TCERG1L: variants seen among roughly 807,000 people sequenced by gnomAD.
TCERG1L encodes transcription elongation regulator 1-like protein.
In TCERG1L, 37 loss-of-function variants were observed where a neutral mutation model predicts 56.3. The observed-to-expected ratio is 0.66, with a 90% confidence interval of 0.51 to 0.87. The LOEUF is 0.87. TCERG1L is among the 40% of genes least tolerant of loss of function. TCERG1L has a pLI of 0.00. For missense variants in TCERG1L, 799 were observed against 774.2 expected (o/e 1.03, Z -0.38); for synonymous variants, 324 against 326.3 (o/e 0.99, Z 0.08).
chr10:131,142,792 C>T (rs559631965), intron 7 of TCERG1L, among the ~76,000 whole-genome samples: 2 of 152,268 alleles, frequency 1.3e-5, no homozygotes, highest in African/African-American at 2.4e-5. Context: ...CAGATTCATG[C>T]CCCCCACCAT....
intron 3 of TCERG1L, among the ~76,000 whole-genome samples, chr10:131,288,945 T>G (rs1846576780): frequency 6.6e-6 from 1 of 152,202 alleles, no homozygotes; most frequent in African/African-American, 2.4e-5. Flanking sequence ...CATGTTTCTG[T>G]GAATTTCAGC....
At chr10:131,219,471 C>T (rs1048674606) in intron 4 of TCERG1L, among the ~76,000 whole-genome samples, 2 of 152,218 alleles carry the variant, frequency 1.3e-5, no homozygotes, top group Admixed American at 1.3e-4. Flanking sequence ...GGACCCTTAG[C>T]TTACCCCTGT....
In TCERG1L at chr10:131,251,091, T is replaced by C. The variant is rs201310930; in HGVS notation, c.856+9168A>G. Among the ~76,000 whole-genome samples, 56 of 152,150 alleles carry C rather than the reference T, an allele frequency of 3.7e-4. 1 individual carries two copies. In the East Asian group the frequency reaches 8.6e-3, roughly 23 times the overall value. Reference sequence around the variant, plus strand: ...CGTGGGTCCGTCTCAGGGAACCCACTCATCTTTGCTGTATGGTGCCCCTTT... The same window carrying C: ...CGTGGGTCCGTCTCAGGGAACCCACCCATCTTTGCTGTATGGTGCCCCTTT... On this transcript the variant is annotated intron_variant, in intron 4 of 11. Transcript: ENST00000368642.
intron 3 of TCERG1L, among the ~76,000 whole-genome samples, chr10:131,270,333 T>C (rs576427796): frequency 2.7e-4 from 41 of 152,264 alleles, no homozygotes; most frequent in Admixed American, 2.5e-3. Context: ...CAGCAGGCAC[T>C]CAATACACTG....
intron 4 of TCERG1L, among the ~76,000 whole-genome samples, chr10:131,168,951 G>A (rs1312111887): frequency 6.6e-6 from 1 of 152,204 alleles, no homozygotes; most frequent in African/African-American, 2.4e-5. Flanking sequence ...GGTTGGCCTT[G>A]GGGAAGGGAC....
intron 4 of TCERG1L, among the ~76,000 whole-genome samples, chr10:131,208,132 A>G (rs1392402532): frequency 1.3e-5 from 2 of 152,196 alleles, no homozygotes; most frequent in Admixed American, 6.5e-5. Flanking sequence ...GGACGGGACT[A>G]GGTGGAGTCA....
intron 4 of TCERG1L, among the ~76,000 whole-genome samples, chr10:131,247,884 C>T (rs1286228463): frequency 6.7e-6 from 1 of 150,292 alleles, no homozygotes; most frequent in East Asian, 2.0e-4. Flanking sequence ...CTGACACACC[C>T]ATGTGACTCA....
intron 4 of TCERG1L, among the ~76,000 whole-genome samples, chr10:131,207,410 C>T (rs1845548534): frequency 1.3e-5 from 2 of 152,194 alleles, no homozygotes; most frequent in Non-Finnish European, 2.9e-5. Flanking sequence ...TGCAGTGATG[C>T]AGGGCAGAGT....
chr10:131,164,138 A>G (rs1482426975), intron 5 of TCERG1L: 4 of 150,318 alleles, frequency 2.7e-5, no homozygotes, highest in Admixed American at 6.6e-5. Flanking sequence ...AAAAAAAAAA[A>G]AAAAAAGAAA....
At chr10:131,226,803 T>C (rs1236843073) in intron 4 of TCERG1L, among the ~76,000 whole-genome samples, 1 of 152,260 alleles carries the variant, frequency 6.6e-6, no homozygotes, top group Non-Finnish European at 1.5e-5. Context: ...TGTTCTTGCC[T>C]GGGGGCAGAC....
intron 6 of TCERG1L, among the ~76,000 whole-genome samples, chr10:131,148,439 CAG>C (rs1268149252): frequency 4.6e-4 from 69 of 151,458 alleles, no homozygotes; most frequent in African/African-American, 1.5e-3. Flanking sequence ...CACACACATG[CAG>C]AGATACACAC....
At chr10:131,217,231 C>T (rs1415125153) in intron 4 of TCERG1L, among the ~76,000 whole-genome samples, 1 of 151,986 alleles carries the variant, frequency 6.6e-6, no homozygotes, top group African/African-American at 2.4e-5. Context: ...GAGATCTGGT[C>T]GTTTAACAGT....
chr10:131,227,981 C>T (rs1257112600), intron 4 of TCERG1L, among the ~76,000 whole-genome samples: 3 of 151,644 alleles, frequency 2.0e-5, no homozygotes, highest in Non-Finnish European at 2.9e-5. Flanking sequence ...CCCCACCCCT[C>T]CTCACCCCCA....
chr10:131,285,920 A>C (rs2133568076), intron 3 of TCERG1L, among the ~76,000 whole-genome samples: 1 of 152,350 alleles, frequency 6.6e-6, no homozygotes, highest in South Asian at 2.1e-4. Context: ...AAAACCTATA[A>C]GCATATTGAG....
At chr10:131,183,356 T>C (rs1845201173) in intron 4 of TCERG1L, among the ~76,000 whole-genome samples, 1 of 152,242 alleles carries the variant, frequency 6.6e-6, no homozygotes, top group South Asian at 2.1e-4. Flanking sequence ...AGAGACCCTT[T>C]GTTGGGGAAA....
chr10:131,166,684 T>C, intron 5 of TCERG1L, 113 bp downstream of exon 5: 3 of 1,040,066 alleles, frequency 2.9e-6, no homozygotes, highest in Non-Finnish European at 4.3e-6. Flanking sequence ...ACACAGCAGA[T>C]GGCAGTCATT....
At chr10:131,256,897 G>A (rs1846168873) in intron 4 of TCERG1L, among the ~76,000 whole-genome samples, 1 of 147,246 alleles carries the variant, frequency 6.8e-6, no homozygotes, top group Non-Finnish European at 1.5e-5. Flanking sequence ...GAAAAAGAAA[G>A]AGAGAAAGAC....
At chr10:131,209,758 AATG>A in intron 4 of TCERG1L, among the ~76,000 whole-genome samples, 1 of 152,350 alleles carries the variant, frequency 6.6e-6, no homozygotes, top group South Asian at 2.1e-4. Flanking sequence ...TTTTAAAATA[AATG>A]ATAAAATAAA....
chr10:131,263,598 T>C (rs1378041569), intron 3 of TCERG1L, among the ~76,000 whole-genome samples: 1 of 152,208 alleles, frequency 6.6e-6, no homozygotes, highest in African/African-American at 2.4e-5. Flanking sequence ...ACATTTGCCA[T>C]ATTTTTACCC....
Sources: gnomAD v4.1 joint callset for allele counts (sites outside exome capture counted in the v4.1 genomes callset) on GRCh38, gnomAD v4.1.1 for gene constraint, MANE v1.5 for transcripts, NCBI Gene and HGNC (gene_info 2026-07-23, HGNC 2026-07-21) for gene names.